SCAI: variants seen among roughly 807,000 people sequenced by gnomAD.
The protein encoded by SCAI is suppressor of cancer cell invasion.
A neutral mutation model predicts 92.2 loss-of-function variants in SCAI; 24 were observed. The observed-to-expected ratio is 0.26, with a 90% confidence interval of 0.19 to 0.37. The LOEUF is 0.37. Ranked by LOEUF, SCAI falls within the 10% of genes least tolerant of loss-of-function variation. The probability of loss-of-function intolerance (pLI) is 1.00; values close to 1 mark genes in which losing one functional copy is unlikely to be tolerated. For synonymous variants in SCAI, 261 were observed against 258.6 expected (o/e 1.01, Z -0.09); for missense variants, 450 against 736.2 (o/e 0.61, Z 4.50).
At chr9:124,994,141 T>C (rs779003822) in intron 14 of SCAI, among the ~76,000 whole-genome samples, 9 of 151,016 alleles carry the variant, frequency 6.0e-5, no homozygotes, top group Non-Finnish European at 1.3e-4. Context: ...TTCAAGTGAG[T>C]CTCCCGCCTC....
chr9:125,105,358 A>G (rs1834754968), intron 2 of SCAI, among the ~76,000 whole-genome samples: 1 of 152,190 alleles, frequency 6.6e-6, no homozygotes, highest in Admixed American at 6.5e-5. Context: ...GAAAGATTCT[A>G]TTTCTCCAAG....
Position 124,951,400 on chromosome 9 carries a change from G to A in SCAI, c.*1407C>T, listed in dbSNP as rs1404276981. 1 of 152,232 alleles carries A rather than the reference G, an allele frequency of 6.6e-6. No homozygotes were observed. The highest frequency in any genetic ancestry group is 2.4e-5 in the African/African-American group (1 of 41,424). 9.4% of individuals were successfully genotyped at this position (152,232 alleles called of 1,614,324 possible). ...GGCACCTGTAATCCCAGCTACTCGGGAGGCTGAGGCAGGAAAATTGCTTGA... is the reference window on the plus strand; with the variant it reads ...GGCACCTGTAATCCCAGCTACTCGGAAGGCTGAGGCAGGAAAATTGCTTGA... On this transcript the variant is annotated 3_prime_UTR_variant, in exon 18 of 18. Coordinates refer to ENST00000336505, the MANE Select transcript of SCAI (RefSeq NM_001144877.3).
At position 124,949,409 on chromosome 9, in the gene SCAI, C is replaced by CAA. The variant is rs1831200347; in HGVS notation, c.*3396_*3397dup. On this transcript the variant is annotated 3_prime_UTR_variant, in exon 18 of 18. Coordinates refer to ENST00000336505, the MANE Select transcript of SCAI (RefSeq NM_001144877.3). The surrounding 1 kb of genome is among the most constrained non-coding windows in gnomAD (Gnocchi z 4.0). The stretch of plus-strand genomic sequence containing the variant: ...AACTTTCATAAAAAGAAAGAAAAGG[C>CAA]AAAGTGTTCATGCAAATGTGACCTT... The CAA allele has an allele frequency of 6.6e-6, 1 of 152,186 alleles. No individual in the cohort carries two copies. Among genetic ancestry groups the CAA allele is most frequent in the African/African-American group, 2.4e-5 (1 of 41,438 alleles). The allele number at this position is 152,186 out of a possible 1,614,324, so 9.4% of individuals were successfully genotyped here. A position where few individuals can be genotyped will look rare whatever the true frequency, so the allele number is the denominator to read the frequency against.
chr9:124,968,396 G>A (rs1229775327), intron 17 of SCAI: 5 of 1,128,952 alleles, frequency 4.4e-6, no homozygotes, highest in Non-Finnish European at 4.1e-6. Context: ...ACACGCAATC[G>A]TGGGAGTACA....
chr9:125,094,529 T>A (rs559020951), intron 2 of SCAI, among the ~76,000 whole-genome samples: 1 of 152,306 alleles, frequency 6.6e-6, no homozygotes, highest in Admixed American at 6.5e-5. Context: ...TGAGACAAAC[T>A]CTGGCTCTGC....
chr9:125,139,001 A>G (rs543923327), intron 2 of SCAI, among the ~76,000 whole-genome samples: 1 of 152,190 alleles, frequency 6.6e-6, no homozygotes, highest in African/African-American at 2.4e-5. Flanking sequence ...GATGGGACCC[A>G]ATAAGGTGGA....
At chr9:125,026,766 C>A in intron 6 of SCAI, 46 bp downstream of exon 6, 1 of 973,904 alleles carries the variant, frequency 1.0e-6, no homozygotes, top group South Asian at 1.5e-5. Flanking sequence ...AAGATTAAGA[C>A]TGAATGTTTT....
chr9:125,058,797 A>G (rs2131141503), intron 2 of SCAI, among the ~76,000 whole-genome samples: 1 of 152,342 alleles, frequency 6.6e-6, no homozygotes, highest in African/African-American at 2.4e-5. Context: ...TAGAAAAAGT[A>G]CAGGATCAAT....
chr9:125,004,218 C>T (rs1832424944), intron 9 of SCAI, among the ~76,000 whole-genome samples: 1 of 151,958 alleles, frequency 6.6e-6, no homozygotes, highest in Non-Finnish European at 1.5e-5. Context: ...ATATTAGGTT[C>T]TACAAACATG....
At chr9:125,064,550 C>G (rs907681418) in intron 2 of SCAI, among the ~76,000 whole-genome samples, 12 of 151,900 alleles carry the variant, frequency 7.9e-5, no homozygotes, top group Non-Finnish European at 2.9e-5. Context: ...CAAAATATTA[C>G]TAAAAAAATT....
Position 124,952,642 on chromosome 9 carries a change from G to C in SCAI, c.*165C>G, listed in dbSNP as rs1831249184. ...ACCTGAAAGGTTGCATTTTAAAACA[G>C]TTACCCTAAAAGTGTGAACATTTTT... On this transcript the variant is annotated 3_prime_UTR_variant, in exon 18 of 18. Coordinates refer to ENST00000336505, the MANE Select transcript of SCAI (RefSeq NM_001144877.3). 2 of 537,656 alleles carry C rather than the reference G, an allele frequency of 3.7e-6. No homozygotes were observed. Among genetic ancestry groups the C allele is most frequent in the Middle Eastern group, 4.9e-4 (1 of 2,054 alleles). The allele number at this position is 537,656 out of a possible 1,614,324, so 33.3% of individuals were successfully genotyped here. A position where few individuals can be genotyped will look rare whatever the true frequency, so the allele number is the denominator to read the frequency against.
intron 2 of SCAI, among the ~76,000 whole-genome samples, chr9:125,084,088 T>C (rs1459249681): frequency 7.0e-6 from 1 of 142,326 alleles, no homozygotes; most frequent in Non-Finnish European, 1.5e-5. Flanking sequence ...AAAAATACAA[T>C]AGTAAAAAAA....
chr9:124,981,889 C>T (rs1043653554), intron 14 of SCAI, among the ~76,000 whole-genome samples: 2 of 152,152 alleles, frequency 1.3e-5, no homozygotes, highest in Non-Finnish European at 2.9e-5. Context: ...TAGCAATCCT[C>T]GTGCCTTATG....
In SCAI at chr9:124,999,994, T is replaced by C; in HGVS notation, c.1145-4A>G. 1 of 1,451,814 alleles carries C rather than the reference T, an allele frequency of 6.9e-7. No homozygotes were observed. 89.9% of individuals were successfully genotyped at this position (1,451,814 alleles called of 1,614,324 possible). Reference sequence around the variant, plus strand: ...ACACCTCCAAAATCATAAGGACCTATAAAAACAAAGGGAAGAATCCTAGAC... The same window carrying C: ...ACACCTCCAAAATCATAAGGACCTACAAAAACAAAGGGAAGAATCCTAGAC... On this transcript the variant is annotated splice_region_variant and splice_polypyrimidine_tract_variant and intron_variant, in intron 12 of 17. Coordinates refer to ENST00000336505, the MANE Select transcript of SCAI (RefSeq NM_001144877.3).
At chr9:125,048,528 G>A (rs1477544615) in intron 3 of SCAI, among the ~76,000 whole-genome samples, 3 of 151,978 alleles carry the variant, frequency 2.0e-5, no homozygotes, top group East Asian at 3.9e-4. Flanking sequence ...TCTGAAGAAG[G>A]AGAAGGAGAA....
chr9:125,082,062 T>G (rs1051036115), intron 2 of SCAI, among the ~76,000 whole-genome samples: 29 of 152,284 alleles, frequency 1.9e-4, no homozygotes, highest in Admixed American at 1.8e-3. Context: ...GTCAGAGATC[T>G]TCACGGCAGC....
At chr9:125,142,821 C>A (rs1835700000) in intron 1 of SCAI, 144 bp from the exon 2 acceptor site, 3 of 680,436 alleles carry the variant, frequency 4.4e-6, no homozygotes, top group Admixed American at 5.1e-5. Context: ...ACAAACGCCT[C>A]ATGCCCTGTT....
rs573273084 is a variant in SCAI at position 124,994,255 on chromosome 9, G to A, written c.1326+679C>T. On this transcript the variant is annotated intron_variant, in intron 14 of 17. Coordinates refer to ENST00000336505, the MANE Select transcript of SCAI (RefSeq NM_001144877.3). ...TCTCCATGTTGGTTAGGCTGGTCTCGAACTCCTGACCTCAGGTAATCTGCC... is the reference window on the plus strand; with the variant it reads ...TCTCCATGTTGGTTAGGCTGGTCTCAAACTCCTGACCTCAGGTAATCTGCC... 5.3e-5 allele frequency among the ~76,000 whole-genome samples: 8 copies of A among 152,116 alleles called. No individual in the cohort carries two copies. In the East Asian group the frequency reaches 1.2e-3, roughly 22 times the overall value.
At chr9:125,026,215 T>A (rs540047505) in intron 6 of SCAI, among the ~76,000 whole-genome samples, 2 of 151,798 alleles carry the variant, frequency 1.3e-5, no homozygotes, top group African/African-American at 4.8e-5. Context: ...TACTAAAAAA[T>A]ACAAAAAAAT....
Sources: gnomAD v4.1 joint callset for allele counts (sites outside exome capture counted in the v4.1 genomes callset) on GRCh38, gnomAD v4.1.1 for gene constraint, Gnocchi (gnomAD v3.1) non-coding constraint, MANE v1.5 for transcripts, NCBI Gene and HGNC (gene_info 2026-07-23, HGNC 2026-07-21) for gene names.